The following CDH4 variants were observed in gnomAD, a reference collection of about 807,000 sequenced individuals.
CDH4 encodes cadherin-4.
A neutral mutation model predicts 86.0 loss-of-function variants in CDH4; 33 were observed. That is an observed-to-expected ratio of 0.38 (90% confidence interval 0.29 to 0.51). The LOEUF is 0.51. Ranked by LOEUF, CDH4 falls within the 20% of genes least tolerant of loss-of-function variation. The pLI is 0.86. For missense variants in CDH4, 1,114 were observed against 1,307.4 expected, an observed-to-expected ratio of 0.85 and a Z score of 2.28; for synonymous variants, 555 against 549.4, an observed-to-expected ratio of 1.01 and a Z score of -0.14.
At chr20:61,424,943 TA>T (rs1338392050) in intron 2 of CDH4, among the ~76,000 whole-genome samples, 1 of 152,128 alleles carries the variant, frequency 6.6e-6, no homozygotes, top group Non-Finnish European at 1.5e-5. Context: ...GAGCCAAATT[TA>T]AAAAACTGGA....
chr20:61,719,029 T>A (rs1232750612), intron 2 of CDH4: 1 of 471,020 alleles, frequency 2.1e-6, no homozygotes, highest in African/African-American at 2.0e-5. Flanking sequence ...CTAAGTGTGA[T>A]GAGAGAAGGA....
intron 2 of CDH4, among the ~76,000 whole-genome samples, chr20:61,538,658 A>G (rs935091930): frequency 3.3e-5 from 5 of 152,190 alleles, no homozygotes; most frequent in Non-Finnish European, 7.4e-5. Flanking sequence ...GTGGCTGGGC[A>G]CAGCTCCCAG....
At chr20:61,732,808 G>A (rs778315497) in intron 2 of CDH4, among the ~76,000 whole-genome samples, 2 of 152,236 alleles carry the variant, frequency 1.3e-5, no homozygotes, top group African/African-American at 4.8e-5. Flanking sequence ...GGAAGAGGCT[G>A]GAGGTTGGAG....
At chr20:61,320,174 G>A (rs2084500374) in intron 2 of CDH4, among the ~76,000 whole-genome samples, 1 of 152,048 alleles carries the variant, frequency 6.6e-6, no homozygotes. Flanking sequence ...GATGTTGCAG[G>A]GCCTATGGAT....
intron 1 of CDH4, among the ~76,000 whole-genome samples, chr20:61,254,081 A>T (rs1464479723): frequency 6.6e-6 from 1 of 152,016 alleles, no homozygotes; most frequent in Non-Finnish European, 1.5e-5. Flanking sequence ...TGGGCTCTAG[A>T]CTTCCCCACT....
At chr20:61,690,485 G>C (rs994563922) in intron 2 of CDH4, among the ~76,000 whole-genome samples, 1 of 152,116 alleles carries the variant, frequency 6.6e-6, no homozygotes, top group African/African-American at 2.4e-5. Context: ...TGGAAAGGCC[G>C]AGGCCAAGGA....
intron 2 of CDH4, among the ~76,000 whole-genome samples, chr20:61,388,364 A>G (rs1009832521): frequency 1.3e-5 from 2 of 152,158 alleles, no homozygotes; most frequent in African/African-American, 4.8e-5. Flanking sequence ...CATCGGCTCC[A>G]AAGTGGGGTC....
At chr20:61,374,564 T>G (rs73308665) in intron 2 of CDH4, among the ~76,000 whole-genome samples, 4,035 of 152,262 alleles carry the variant, frequency 0.027, 170 homozygotes, top group African/African-American at 0.089. Context: ...GTAGTACCGA[T>G]CTCACACAGT....
chr20:61,296,336 TGTGTGA>T (rs1309229118), intron 2 of CDH4, among the ~76,000 whole-genome samples: 1 of 151,482 alleles, frequency 6.6e-6, no homozygotes, highest in Non-Finnish European at 1.5e-5. Context: ...TGTGTGTGTG[TGTGTGA>T]GAGAGAGATC....
chr20:61,865,240 A>G (rs1387408160), intron 6 of CDH4, among the ~76,000 whole-genome samples: 1 of 152,126 alleles, frequency 6.6e-6, no homozygotes, highest in African/African-American at 2.4e-5. Context: ...CTGGCTGATT[A>G]GTGTAGGTGA....
intron 2 of CDH4, among the ~76,000 whole-genome samples, chr20:61,525,169 T>TC (rs1242495597): frequency 2.6e-5 from 4 of 151,988 alleles, no homozygotes; most frequent in Non-Finnish European, 5.9e-5. Flanking sequence ...TGCTCAGTCA[T>TC]CCCCCCTATA....
chr20:61,600,441 G>A (rs2086591184), intron 2 of CDH4, among the ~76,000 whole-genome samples: 1 of 152,204 alleles, frequency 6.6e-6, no homozygotes, highest in Non-Finnish European at 1.5e-5. Flanking sequence ...GGGCCTTGAG[G>A]GAGTCACTCT....
intron 2 of CDH4, among the ~76,000 whole-genome samples, chr20:61,514,519 T>C (rs2085804363): frequency 6.6e-6 from 1 of 152,186 alleles, no homozygotes; most frequent in African/African-American, 2.4e-5. Context: ...TTTTATCATG[T>C]TACTCATTTA....
intron 2 of CDH4, among the ~76,000 whole-genome samples, chr20:61,299,673 C>T (rs1316199276): frequency 6.6e-6 from 1 of 152,142 alleles, no homozygotes; most frequent in Non-Finnish European, 1.5e-5. Context: ...GGGTTAATAT[C>T]AGGACCCTGG....
intron 2 of CDH4, among the ~76,000 whole-genome samples, chr20:61,448,827 T>G (rs1449254016): frequency 6.6e-6 from 1 of 152,132 alleles, no homozygotes; most frequent in African/African-American, 2.4e-5. Context: ...ATTCTTTCTT[T>G]TTTTAGGCCA....
intron 2 of CDH4, among the ~76,000 whole-genome samples, chr20:61,505,201 G>A (rs775122170): frequency 6.6e-6 from 1 of 152,172 alleles, no homozygotes; most frequent in Non-Finnish European, 1.5e-5. Flanking sequence ...ACAGCAAAGT[G>A]ATGGCTAAAA....
chr20:61,281,792 A>G (rs1474612366), intron 2 of CDH4, among the ~76,000 whole-genome samples: 1 of 152,204 alleles, frequency 6.6e-6, no homozygotes, highest in Non-Finnish European at 1.5e-5. Flanking sequence ...TGCTTTCATC[A>G]TGAGGGGTTA....
chr20:61,753,109 C>T (rs1031063261), intron 3 of CDH4, among the ~76,000 whole-genome samples: 5 of 152,118 alleles, frequency 3.3e-5, no homozygotes, highest in Non-Finnish European at 7.4e-5. Flanking sequence ...GTTCTGCTGG[C>T]AGAAGGTTCT....
At chr20:61,918,340 CCT>C (rs2054928485) in intron 9 of CDH4, among the ~76,000 whole-genome samples, 1 of 152,194 alleles carries the variant, frequency 6.6e-6, no homozygotes, top group African/African-American at 2.4e-5. Context: ...GTGTGAGGCC[CCT>C]GTGTGGCACA....
Sources: allele counts gnomAD v4.1 joint callset (sites outside exome capture counted in the v4.1 genomes callset), GRCh38; gene constraint gnomAD v4.1.1; transcripts MANE v1.5; gene names NCBI Gene and HGNC (gene_info 2026-07-23, HGNC 2026-07-21).